ZNF609: variants seen among roughly 807,000 people sequenced by gnomAD.
ZNF609 encodes zinc finger protein 609.
In ZNF609, 11 loss-of-function variants were observed where a neutral mutation model predicts 109.5. The ratio of observed to expected loss-of-function variants is 0.10; its 90% CI spans 0.06 to 0.17. The LOEUF is 0.17. Ranked by LOEUF, ZNF609 falls within the 10% of genes least tolerant of loss-of-function variation. The pLI is 1.00. For synonymous variants in ZNF609, 646 were observed against 662.0 expected, an observed-to-expected ratio of 0.98 and a Z score of 0.37; for missense variants, 1,559 against 1,772.4, an observed-to-expected ratio of 0.88 and a Z score of 2.16.
At chr15:64,630,993 T>C (rs1165662997) in intron 3 of ZNF609, 1 of 249,124 alleles carries the variant, frequency 4.0e-6, no homozygotes, top group Non-Finnish European at 7.8e-6. Flanking sequence ...CATAATGAAT[T>C]AGGACACAAT....
chr15:64,648,529 T>C (rs934888861), intron 3 of ZNF609, among the ~76,000 whole-genome samples: 3 of 152,032 alleles, frequency 2.0e-5, no homozygotes, highest in African/African-American at 7.2e-5. Flanking sequence ...TTGAGAGTCA[T>C]ATTGATTGGG....
intron 3 of ZNF609, among the ~76,000 whole-genome samples, chr15:64,635,907 C>CTTCTGATACCTCATTA (rs1285398180): frequency 2.4e-4 from 36 of 152,306 alleles, no homozygotes; most frequent in African/African-American, 8.4e-4. Context: ...TTCTCCACCT[C>CTTCTGATACCTCATTA]TTCTGATACC....
chr15:64,678,118 G>A lies in ZNF609; in HGVS notation c.3405G>A (p.Glu1135=). Residue 1135 remains glutamate, a splice_region_variant and synonymous_variant, in exon 6 of 10, where the codon GAG becomes GAA. Coordinates refer to ENST00000326648, the MANE Select transcript of ZNF609 (RefSeq NM_015042.2). Reference sequence around the variant, plus strand: ...TCGTTGTTCTGTGATTGTTGTAGGAGGCAGAGCCCCGGATGTGGACATATG... The same window carrying A: ...TCGTTGTTCTGTGATTGTTGTAGGAAGCAGAGCCCCGGATGTGGACATATG... The part of the protein sequence containing the change: ...EMDPILWYRQ[E]AEPRMWTYVY... 2 of 1,611,722 alleles carry A rather than the reference G, an allele frequency of 1.2e-6. No homozygotes were observed. The highest frequency in any genetic ancestry group is 1.7e-6 in the Non-Finnish European group (2 of 1,178,804).
chr15:64,674,523 G>T lies in ZNF609; in HGVS notation c.1669G>T (p.Gly557Cys), dbSNP rs780576620. 9 of 1,614,068 alleles carry T rather than the reference G, an allele frequency of 5.6e-6. No individual in the cohort carries two copies. Among genetic ancestry groups the T allele is most frequent in the Non-Finnish European group, 5.9e-6 (7 of 1,180,000 alleles). Residue 557 changes from glycine (G) to cysteine (C), a missense_variant, in exon 5 of 10, where the codon GGT becomes TGT. Transcript: ENST00000326648. ...CAACGGTGCATCTGTCTCACAAAAA[G>T]GTTCCTTGTCCCCTGCCCGCTCAGC... ...SCNGASVSQK[G>C]SLSPARSATP... is the part of the protein sequence containing the mutation.
At chr15:64,639,972 T>C (rs1423418040) in intron 3 of ZNF609, among the ~76,000 whole-genome samples, 9 of 152,164 alleles carry the variant, frequency 5.9e-5, no homozygotes, top group Non-Finnish European at 1.0e-4. Flanking sequence ...CAGGCTGGAT[T>C]GCAGTGGCGC....
chr15:64,481,099 G>C (rs1006999206), intron 1 of ZNF609, among the ~76,000 whole-genome samples: 1 of 152,134 alleles, frequency 6.6e-6, no homozygotes, highest in Non-Finnish European at 1.5e-5. Flanking sequence ...GTCATGCGAG[G>C]ATTCATTTTT....
At chr15:64,637,602 T>C (rs988299930) in intron 3 of ZNF609, among the ~76,000 whole-genome samples, 2 of 152,176 alleles carry the variant, frequency 1.3e-5, no homozygotes, top group African/African-American at 4.8e-5. Flanking sequence ...TGGTATCTCA[T>C]TGTGGTATTA....
chr15:64,612,799 G>A lies in ZNF609; in HGVS notation c.748-10028G>A, dbSNP rs555030744. ...GGAGGCCAAGGCCAGCGGTTCACTT[G>A]AGGTCAGGAGTTTGAGACCAGCCTG... On this transcript the variant is annotated intron_variant, in intron 2 of 9. Transcript: ENST00000326648. Among the ~76,000 whole-genome samples the A allele has an allele frequency of 5.6e-4, 85 of 152,116 alleles. 1 individual carries two copies. Among genetic ancestry groups the A allele is most frequent in the South Asian group, 3.7e-3 (18 of 4,810 alleles).
intron 2 of ZNF609, among the ~76,000 whole-genome samples, chr15:64,564,419 T>G (rs1894741497): frequency 6.6e-6 from 1 of 152,124 alleles, no homozygotes; most frequent in Non-Finnish European, 1.5e-5. Flanking sequence ...GCTGTAAGTA[T>G]AGTGGGTGTT....
chr15:64,677,932 G>A (rs919630393), intron 5 of ZNF609, among the ~76,000 whole-genome samples, 184 bp from the exon 6 acceptor site: 3 of 152,132 alleles, frequency 2.0e-5, no homozygotes, highest in Non-Finnish European at 2.9e-5. Context: ...GGTGGGGGCG[G>A]GGGCTTTTTA....
chr15:64,473,668 C>T (rs986597947), intron 1 of ZNF609, among the ~76,000 whole-genome samples: 1 of 150,072 alleles, frequency 6.7e-6, no homozygotes, highest in African/African-American at 2.4e-5. Context: ...TGCAGTGGTG[C>T]GATATCGGCT....
intron 2 of ZNF609, among the ~76,000 whole-genome samples, chr15:64,584,949 A>T (rs185004548): frequency 3.1e-3 from 467 of 151,790 alleles, no homozygotes; most frequent in Middle Eastern, 6.8e-3. Context: ...AATATAAAAA[A>T]TAAATAAGGA....
At chr15:64,617,182 A>G (rs1895813514) in intron 2 of ZNF609, among the ~76,000 whole-genome samples, 2 of 151,770 alleles carry the variant, frequency 1.3e-5, no homozygotes, top group African/African-American at 2.4e-5. Context: ...TGTCTCTACA[A>G]AGTTTTTGTT....
At chr15:64,541,110 G>GA (rs1194467963) in intron 2 of ZNF609, among the ~76,000 whole-genome samples, 1 of 150,360 alleles carries the variant, frequency 6.7e-6, no homozygotes, top group African/African-American at 2.5e-5. Flanking sequence ...CATCATATAG[G>GA]AAATATGGAA....
At chr15:64,657,804 G>C (rs1896512477) in intron 3 of ZNF609, among the ~76,000 whole-genome samples, 1 of 152,168 alleles carries the variant, frequency 6.6e-6, no homozygotes, top group South Asian at 2.1e-4. Context: ...AGATTTCAAA[G>C]GCAGAATGGG....
chr15:64,599,168 GTTTTTTTTTTTT>G (rs556122154), intron 2 of ZNF609, among the ~76,000 whole-genome samples: 11 of 46,498 alleles, frequency 2.4e-4, no homozygotes, highest in African/African-American at 3.9e-4. Context: ...TTTTGTGGTG[GTTTTTTTTTTTT>G]TTTTTTTTTT....
intron 1 of ZNF609, among the ~76,000 whole-genome samples, chr15:64,484,568 C>T (rs563831990): frequency 3.5e-5 from 5 of 144,516 alleles, no homozygotes; most frequent in East Asian, 4.2e-4. Flanking sequence ...CCCAGCTGTT[C>T]GGGAGGCTGA....
intron 2 of ZNF609, among the ~76,000 whole-genome samples, chr15:64,555,435 G>A (rs1440065885): frequency 6.6e-6 from 1 of 152,136 alleles, no homozygotes; most frequent in South Asian, 2.1e-4. Flanking sequence ...AGGCCAAGGC[G>A]TGTGGATCAC....
intron 2 of ZNF609, among the ~76,000 whole-genome samples, chr15:64,588,059 C>T (rs995482248): frequency 2.0e-5 from 3 of 151,674 alleles, no homozygotes; most frequent in Admixed American, 6.6e-5. Context: ...CTCTTAAGCC[C>T]GGGAAGTTGA....
Sources: allele counts gnomAD v4.1 joint callset (sites outside exome capture counted in the v4.1 genomes callset), GRCh38; gene constraint gnomAD v4.1.1; transcripts MANE v1.5; gene names NCBI Gene and HGNC (gene_info 2026-07-23, HGNC 2026-07-21).